Variants in SLC30A4 observed in about 807,000 individuals in gnomAD.
The protein encoded by SLC30A4 is solute carrier family 30 member 4.
A neutral mutation model predicts 41.7 loss-of-function variants in SLC30A4; 20 were observed. That is an observed-to-expected ratio of 0.48 (90% CI 0.34 to 0.70). The LOEUF (loss-of-function observed/expected upper bound fraction) is 0.70, where lower values mean the gene tolerates loss of function less well. Ranked by LOEUF, SLC30A4 falls within the 30% of genes least tolerant of loss-of-function variation. The pLI is 0.01. For missense variants in SLC30A4, 441 were observed against 529.3 expected (o/e 0.83, Z 1.64); for synonymous variants, 181 against 195.9 (o/e 0.92, Z 0.64).
intron 3 of SLC30A4, among the ~76,000 whole-genome samples, chr15:45,494,808 G>T (rs1891879479): frequency 6.6e-6 from 1 of 152,138 alleles, no homozygotes; most frequent in Non-Finnish European, 1.5e-5. Flanking sequence ...CAAGTACCAA[G>T]GCTGAAGCTA....
At chr15:45,517,695 T>C (rs1466652836) in intron 2 of SLC30A4, among the ~76,000 whole-genome samples, 1 of 151,590 alleles carries the variant, frequency 6.6e-6, no homozygotes, top group Non-Finnish European at 1.5e-5. Context: ...ACGCCTGTAA[T>C]CCCAGCACTT....
At chr15:45,488,371 G>A (rs888461017) in intron 5 of SLC30A4, among the ~76,000 whole-genome samples, 2 of 152,036 alleles carry the variant, frequency 1.3e-5, no homozygotes, top group African/African-American at 2.4e-5. Flanking sequence ...CCAGGAATTC[G>A]AGACCAGCCT....
intron 5 of SLC30A4, 126 bp from the exon 6 acceptor site, chr15:45,487,758 C>T: frequency 1.8e-6 from 1 of 565,502 alleles, no homozygotes; most frequent in Admixed American, 2.7e-5. Context: ...ACCTTTAAAA[C>T]TTGGATATTG....
intron 2 of SLC30A4, chr15:45,513,551 T>C (rs1892365523): frequency 1.3e-5 from 2 of 148,940 alleles, no homozygotes; most frequent in African/African-American, 2.5e-5. Context: ...TGGACAAAAA[T>C]AGTCAAAATC....
chr15:45,518,710 G>A (rs1003237777), intron 2 of SLC30A4, among the ~76,000 whole-genome samples: 2 of 151,856 alleles, frequency 1.3e-5, no homozygotes, highest in African/African-American at 2.4e-5. Context: ...CCACAGACAC[G>A]CACTACCAAG....
chr15:45,507,370 G>A (rs1187505197), intron 3 of SLC30A4, among the ~76,000 whole-genome samples: 1 of 138,672 alleles, frequency 7.2e-6, no homozygotes, highest in Non-Finnish European at 1.6e-5. Context: ...TAAATTTCAG[G>A]AATAATTTTA....
Position 45,522,238 on chromosome 15 carries a change from C to T in SLC30A4, c.117G>A (p.Gly39=). 1 of 1,614,208 alleles carries T rather than the reference C, an allele frequency of 6.2e-7. No homozygotes were observed. Among genetic ancestry groups the T allele is most frequent in the Non-Finnish European group, 8.5e-7 (1 of 1,180,036 alleles). ...FDFSDEAGDE[G]LSRFNKLRVV... Reference sequence around the variant, plus strand: ...CTCGAAGTTTGTTGAACCGAGAAAGCCCCTCGTCCCCCGCCTCATCCGAGA... The same window carrying T: ...CTCGAAGTTTGTTGAACCGAGAAAGTCCCTCGTCCCCCGCCTCATCCGAGA... Residue 39 remains glycine (G), a synonymous_variant, in exon 2 of 8, where the codon GGG becomes GGA. Coordinates refer to ENST00000261867, the MANE Select transcript of SLC30A4 (RefSeq NM_013309.6).
intron 2 of SLC30A4, chr15:45,513,677 T>G (rs748245582): frequency 2.0e-5 from 3 of 152,222 alleles, no homozygotes; most frequent in Non-Finnish European, 4.4e-5. Flanking sequence ...ATTTGCGCTG[T>G]ACCCATTTGT....
intron 3 of SLC30A4, among the ~76,000 whole-genome samples, 164 bp from the exon 4 acceptor site, chr15:45,491,045 G>T (rs1053446019): frequency 8.5e-4 from 129 of 151,850 alleles, no homozygotes; most frequent in African/African-American, 3.0e-3. Flanking sequence ...TTGAGACAGG[G>T]TCTCACTCTG....
At chr15:45,487,988 T>G in intron 5 of SLC30A4, among the ~76,000 whole-genome samples, 1 of 151,094 alleles carries the variant, frequency 6.6e-6, no homozygotes, top group African/African-American at 2.4e-5. Flanking sequence ...TGTGTGTGTG[T>G]GTGTGTGTGT....
chr15:45,484,594 ATAACAT>A lies in SLC30A4; in HGVS notation c.*563_*568del, dbSNP rs2140807708. 1 of 152,344 alleles carries A rather than the reference ATAACAT, an allele frequency of 6.6e-6. No individual in the cohort carries two copies. The highest frequency in any genetic ancestry group is 1.9e-4 in the East Asian group (1 of 5,190). The allele number at this position is 152,344 out of a possible 1,614,324, so 9.4% of individuals were successfully genotyped here. On this transcript the variant is annotated 3_prime_UTR_variant, in exon 8 of 8. Coordinates refer to ENST00000261867, the MANE Select transcript of SLC30A4 (RefSeq NM_013309.6). ...TTGTTTATAAAGTATAATCATAACA[ATAACAT>A]TAAGACTTATGTGTGAAATAAAACA...
At position 45,492,870 on chromosome 15, in the gene SLC30A4, T is replaced by C. The variant is rs150594059; in HGVS notation, c.539-1989A>G. On this transcript the variant is annotated intron_variant, in intron 3 of 7. Transcript: ENST00000261867. Reference sequence around the variant, plus strand: ...TGGTGGCTGGGAGACAGGGATGACCTTGCCCTATATATGCTTTTGTACCAT... The same window carrying C: ...TGGTGGCTGGGAGACAGGGATGACCCTGCCCTATATATGCTTTTGTACCAT... Among the ~76,000 whole-genome samples, 12 of 152,334 alleles carry C rather than the reference T, an allele frequency of 7.9e-5. No individual in the cohort carries two copies. The East Asian group carries it at 2.3e-3, about 29-fold the overall frequency.
chr15:45,490,939 C>A (rs923385554), intron 3 of SLC30A4, 58 bp from the exon 4 acceptor site: 6 of 1,136,398 alleles, frequency 5.3e-6, no homozygotes, highest in Non-Finnish European at 7.4e-6. Context: ...ACACTTCATA[C>A]CAACTAAATA....
rs558860663 is a variant in SLC30A4, at chr15:45,501,047, C to G, written c.538+10091G>C. On this transcript the variant is annotated intron_variant, in intron 3 of 7. Transcript: ENST00000261867. ...ATGTGGCCAGGTGCGGTGGCTCACG[C>G]CTGTAATCCCAGCACTTTGGGAGGC... 4.6e-4 allele frequency among the ~76,000 whole-genome samples: 69 copies of G among 151,500 alleles called. No homozygotes were observed. The East Asian group carries it at 6.9e-3, about 15-fold the overall frequency.
chr15:45,511,225 G>C lies in SLC30A4; in HGVS notation c.451C>G (p.Leu151Val). Residue 151 changes from leucine (L) to valine (V), a missense_variant, in exon 3 of 8, where the codon CTA (leucine) becomes GTA (valine). Around this residue, in one of 3 missense-constraint regions of SLC30A4, gnomAD observed 312 missense variants for 341.9 expected, o/e 0.91. Coordinates refer to ENST00000261867, the MANE Select transcript of SLC30A4 (RefSeq NM_013309.6). Reference protein sequence around the residue: ...MTDALHMLTDLSAIILTLLAL... With the variant: ...MTDALHMLTDVSAIILTLLAL... ...AGCAGGGTGAGTATGATGGCGCTTA[G>C]GTCAGTTAACATATGAAGTGCATCT... The C allele has an allele frequency of 6.2e-7, 1 of 1,613,004 alleles. No individual in the cohort carries two copies. The highest frequency in any genetic ancestry group is 8.5e-7 in the Non-Finnish European group (1 of 1,179,186).
chr15:45,502,669 A>G (rs1168331074), intron 3 of SLC30A4: 2 of 152,440 alleles, frequency 1.3e-5, no homozygotes, highest in African/African-American at 2.4e-5. Context: ...GGTATGAGCC[A>G]CAGTGCCTGG....
intron 2 of SLC30A4, among the ~76,000 whole-genome samples, chr15:45,516,365 A>C (rs1474464424): frequency 6.6e-6 from 1 of 152,192 alleles, no homozygotes; most frequent in Non-Finnish European, 1.5e-5. Flanking sequence ...TCTGATGCAC[A>C]CTAAAGCTTC....
At chr15:45,496,550 G>A (rs182494549) in intron 3 of SLC30A4, among the ~76,000 whole-genome samples, 44 of 152,198 alleles carry the variant, frequency 2.9e-4, no homozygotes, top group Admixed American at 1.6e-3. Context: ...ATTAGCTTTA[G>A]GTAAATTCGT....
intron 7 of SLC30A4, among the ~76,000 whole-genome samples, chr15:45,486,238 G>C (rs914501886): frequency 1.3e-5 from 2 of 148,262 alleles, no homozygotes; most frequent in African/African-American, 5.0e-5. Context: ...GGCCAGGCTG[G>C]TCTCAAACTC....
Sources: allele counts gnomAD v4.1 joint callset (sites outside exome capture counted in the v4.1 genomes callset), GRCh38; gene constraint gnomAD v4.1.1; regional missense constraint gnomAD v4.1.1; transcripts MANE v1.5; gene names NCBI Gene and HGNC (gene_info 2026-07-23, HGNC 2026-07-21).